The following RNF213 variants were observed in gnomAD, a reference collection of about 807,000 sequenced individuals.
RNF213 encodes ring finger protein 213.
RNF213 carries 341 observed loss-of-function variants against 514.4 expected under a neutral mutation model. The ratio of observed to expected loss-of-function variants is 0.66; its 90% CI spans 0.61 to 0.73. RNF213 has a LOEUF of 0.73. Among genes scored for constraint, RNF213 ranks in the 30% least tolerant of loss-of-function variants. The pLI is 0.00. For missense variants in RNF213, 5,767 were observed against 6,615.6 expected, an observed-to-expected ratio of 0.87 and a Z score of 4.45; for synonymous variants, 2,655 against 2,658.2, an observed-to-expected ratio of 1.00 and a Z score of 0.04.
At chr17:80,294,673 G>A (rs1379841395) in intron 8 of RNF213, 47 bp from the exon 9 acceptor site, 1 of 1,608,430 alleles carries the variant, frequency 6.2e-7, no homozygotes, top group Non-Finnish European at 8.5e-7. Context: ...AGGTCTCCAG[G>A]GTTTTGATGG....
chr17:80,313,676 G>A (rs1348695828), intron 15 of RNF213, among the ~76,000 whole-genome samples: 3 of 150,766 alleles, frequency 2.0e-5, no homozygotes, highest in Non-Finnish European at 4.5e-5. Context: ...TGGAGGTAAT[G>A]GAGGTGATGG....
chr17:80,319,422 CAG>C, intron 17 of RNF213, 110 bp downstream of exon 17: 2 of 1,614,226 alleles, frequency 1.2e-6, no homozygotes, highest in Non-Finnish European at 1.7e-6. Context: ...TCCGCTAACT[CAG>C]AGATTGGGAA....
chr17:80,315,283 T>C (rs1333618169), intron 15 of RNF213, among the ~76,000 whole-genome samples: 1 of 36,818 alleles, frequency 2.7e-5, no homozygotes, highest in Non-Finnish European at 4.8e-5. Flanking sequence ...GAGGTGATGG[T>C]GGTGGTGGTG....
intron 14 of RNF213, among the ~76,000 whole-genome samples, chr17:80,312,201 A>C (rs1030677341): frequency 2.6e-5 from 4 of 152,136 alleles, no homozygotes; most frequent in Admixed American, 6.5e-5. Context: ...TCCTCCCAGG[A>C]GGAGGTGGCC....
intron 3 of RNF213, among the ~76,000 whole-genome samples, chr17:80,276,133 C>T (rs1278759782): frequency 6.6e-6 from 1 of 151,370 alleles, no homozygotes; most frequent in East Asian, 1.9e-4. Flanking sequence ...TGGAGTTTCG[C>T]TCCTGTTGCC....
intron 38 of RNF213, among the ~76,000 whole-genome samples, chr17:80,361,078 G>C (rs140121978): frequency 2.0e-5 from 3 of 152,292 alleles, no homozygotes; most frequent in Non-Finnish European, 2.9e-5. Flanking sequence ...TGGACCCGGG[G>C]GTTCCTGAAG....
chr17:80,387,326 G>A (rs549753282), intron 63 of RNF213, among the ~76,000 whole-genome samples: 6 of 152,148 alleles, frequency 3.9e-5, no homozygotes, highest in Admixed American at 2.0e-4. Flanking sequence ...GGCTGGTCTC[G>A]AACTCTTGGG....
Position 80,325,203 on chromosome 17 carries a change from G to A in RNF213, c.3193+5G>A, listed in dbSNP as rs1282161961. 6.5e-7 allele frequency: 1 copy of A among 1,527,730 alleles called. No individual in the cohort carries two copies. The highest frequency in any genetic ancestry group is 2.5e-5 in the East Asian group (1 of 40,692). The allele number at this position is 1,527,730 out of a possible 1,614,324, so 94.6% of individuals were successfully genotyped here. A position where few individuals can be genotyped will look rare whatever the true frequency, so the allele number is the denominator to read the frequency against. On this transcript the variant is annotated splice_donor_5th_base_variant and intron_variant, in intron 18 of 67. Transcript: ENST00000582970. ...AGCACGTCTTCAGATTGTGTGGTAT[G>A]TTTGCGGGAGTGCTGGGAACATCAG...
intron 50 of RNF213, chr17:80,375,201 G>T (rs1433420194): frequency 5.7e-6 from 1 of 176,628 alleles, no homozygotes; most frequent in Admixed American, 5.4e-5. Context: ...TCATTAAGCT[G>T]GCTGCTAAAT....
chr17:80,300,132 C>G (rs1294527971), intron 11 of RNF213, among the ~76,000 whole-genome samples: 1 of 152,168 alleles, frequency 6.6e-6, no homozygotes, highest in Non-Finnish European at 1.5e-5. Flanking sequence ...CACTGTCTTC[C>G]GTAATGGTTG....
intron 58 of RNF213, 28 bp from the exon 59 acceptor site, chr17:80,383,649 A>C: frequency 1.9e-6 from 3 of 1,613,174 alleles, no homozygotes; most frequent in Non-Finnish European, 2.5e-6. Flanking sequence ...TCACTTCCAG[A>C]ATTTTTTTTT....
In RNF213 at chr17:80,288,086, C is replaced by A. The variant is rs1327929641; in HGVS notation, c.533C>A (p.Ala178Asp). The part of the protein sequence containing the change: ...EVGDSPLQAQ[A>D]LGEAGVATGS... Reference sequence around the variant, plus strand: ...GGCGACAGCCCCCTGCAGGCCCAGGCTTTGGGAGAGGCAGGAGTGGCCACA... The same window carrying A: ...GGCGACAGCCCCCTGCAGGCCCAGGATTTGGGAGAGGCAGGAGTGGCCACA... The change falls in exon 4 of 68, where the codon GCT (alanine) becomes GAT (aspartate). Residue 178 changes from alanine (A) to aspartate (D), a missense_variant. Coordinates refer to ENST00000582970, the MANE Select transcript of RNF213 (RefSeq NM_001256071.3). This position sits in a 1 kb window ranked among gnomAD's most constrained non-coding sequence, Gnocchi z 4.9. 1 of 1,608,624 alleles carries A rather than the reference C, an allele frequency of 6.2e-7. No individual in the cohort carries two copies. Among genetic ancestry groups the A allele is most frequent in the African/African-American group, 1.3e-5 (1 of 74,786 alleles).
chr17:80,363,688 T>C lies in RNF213; in HGVS notation c.11648T>C (p.Leu3883Pro). 1 of 1,614,032 alleles carries C rather than the reference T, an allele frequency of 6.2e-7. No individual in the cohort carries two copies. The highest frequency in any genetic ancestry group is 8.5e-7 in the Non-Finnish European group (1 of 1,180,004). Residue 3883 changes from leucine (L) to proline (P), a missense_variant, in exon 41 of 68, where the codon CTA (leucine) becomes CCA (proline). Leu to Pro is a moderately conservative substitution (Grantham distance 98). This residue lies in a region of RNF213 where 355 missense variants were observed against 358.0 expected (regional missense o/e 0.99). Transcript: ENST00000582970. ...CTGAAGCCCAGTCCCCAGGCGTGGC[T>C]ACAGTTGGTGAAGAATCTTTCCATG... The part of the protein sequence containing the change: ...NTLKPSPQAW[L>P]QLVKNLSMPL...
chr17:80,321,407 G>C (rs1374152401), intron 17 of RNF213: 2 of 152,124 alleles, frequency 1.3e-5, no homozygotes, highest in Admixed American at 1.3e-4. Context: ...TTATCCATGT[G>C]TCCATTGACG....
chr17:80,272,690 A>G (rs1292842947), intron 2 of RNF213, among the ~76,000 whole-genome samples: 2 of 152,186 alleles, frequency 1.3e-5, no homozygotes, highest in Admixed American at 1.3e-4. Context: ...CACCACAATG[A>G]AGGCTAGAGT....
At chr17:80,359,097 T>C (rs1415881784) in intron 37 of RNF213, among the ~76,000 whole-genome samples, 1 of 152,076 alleles carries the variant, frequency 6.6e-6, no homozygotes, top group Non-Finnish European at 1.5e-5. Context: ...TCCCCGTCCC[T>C]CATTCCCTGG....
In RNF213 at chr17:80,346,709, T is replaced by C. The variant is rs1040695611; in HGVS notation, c.8374T>C (p.Tyr2792His). ...VADAMQGPAAYSDLFRSLKQV... is the reference protein window; with the variant it reads ...VADAMQGPAAHSDLFRSLKQV... ...AGACGCCATGCAGGGCCCGGCTGCCTACTCAGATCTCTTCCGCAGCCTGAA... is the reference window on the plus strand; with the variant it reads ...AGACGCCATGCAGGGCCCGGCTGCCCACTCAGATCTCTTCCGCAGCCTGAA... Residue 2792 changes from tyrosine to histidine, a missense_variant, in exon 29 of 68, where the codon TAC becomes CAC. This residue lies in a region of RNF213 where 105 missense variants were observed against 183.9 expected (regional missense o/e 0.57). Coordinates refer to ENST00000582970, the MANE Select transcript of RNF213 (RefSeq NM_001256071.3). The surrounding 1 kb of genome is among the most constrained non-coding windows in gnomAD (Gnocchi z 8.1). 6.2e-7 allele frequency: 1 copy of C among 1,611,622 alleles called. No individual in the cohort carries two copies.
intron 6 of RNF213, 84 bp from the exon 7 acceptor site, chr17:80,290,486 C>CGT (rs139912986): frequency 2.0e-5 from 31 of 1,535,156 alleles, no homozygotes; most frequent in South Asian, 5.6e-5. Flanking sequence ...TGTGTGCGCA[C>CGT]GTGTGTGTGT....
chr17:80,367,983 A>C lies in RNF213; in HGVS notation c.11995A>C (p.Ile3999Leu), dbSNP rs781152962. Reference protein sequence around the residue: ...LSRFGIQPCSICLGDAKDPVC... With the variant: ...LSRFGIQPCSLCLGDAKDPVC... ...TAGGTTTGGGATTCAGCCGTGCTCC[A>C]TCTGCCTGGGAGATGCAAAGGACCC... Residue 3999 changes from isoleucine (I) to leucine (L), a missense_variant, in exon 44 of 68, where the codon ATC becomes CTC. By Grantham distance (5) the Ile-to-Leu change is conservative. Coordinates refer to ENST00000582970, the MANE Select transcript of RNF213 (RefSeq NM_001256071.3). 4 of 1,614,120 alleles carry C rather than the reference A, an allele frequency of 2.5e-6. No homozygotes were observed. The Admixed American group carries it at 6.7e-5, about 27-fold the overall frequency.
Sources: allele counts gnomAD v4.1 joint callset (sites outside exome capture counted in the v4.1 genomes callset), GRCh38; gene constraint gnomAD v4.1.1; regional missense constraint gnomAD v4.1.1; non-coding constraint Gnocchi (gnomAD v3.1); transcripts MANE v1.5; gene names NCBI Gene and HGNC (gene_info 2026-07-23, HGNC 2026-07-21).